The following NBR1 variants were observed in gnomAD, a reference collection of about 807,000 sequenced individuals.
NBR1 encodes next to BRCA1 gene 1 protein.
In NBR1, 59 loss-of-function variants were observed where a neutral mutation model predicts 115.5. That is an observed-to-expected ratio of 0.51 (90% confidence interval 0.41 to 0.63). The LOEUF is 0.63. NBR1 is among the 30% of genes least tolerant of loss of function. The pLI is 0.00. For synonymous variants in NBR1, 373 were observed against 414.7 expected, an observed-to-expected ratio of 0.90 and a Z score of 1.22; for missense variants, 1,043 against 1,150.5, an observed-to-expected ratio of 0.91 and a Z score of 1.35.
intron 18 of NBR1, 36 bp from the exon 19 acceptor site, chr17:43,202,619 G>A: frequency 6.6e-7 from 1 of 1,511,524 alleles, no homozygotes; most frequent in Non-Finnish European, 9.0e-7. Flanking sequence ...GGTGCTTATG[G>A]ATGCTGCATC....
At position 43,191,921 on chromosome 17, in the gene NBR1, C is replaced by T. The variant is rs139919978; in HGVS notation, c.1073+340C>T. Among the ~76,000 whole-genome samples, 109 of 151,334 alleles carry T rather than the reference C, an allele frequency of 7.2e-4. No individual in the cohort carries two copies. The Middle Eastern group carries it at 0.014, about 19-fold the overall frequency. ...ATTTTTAGTAGAGATGGGGTTTCACCGTGTTAGCCAGGATGGTCTCGATCT... is the reference window on the plus strand; with the variant it reads ...ATTTTTAGTAGAGATGGGGTTTCACTGTGTTAGCCAGGATGGTCTCGATCT... On this transcript the variant is annotated intron_variant, in intron 10 of 20. Coordinates refer to ENST00000590996, the MANE Select transcript of NBR1 (RefSeq NM_005899.5).
chr17:43,201,815 T>G lies in NBR1; in HGVS notation c.2563+35T>G, dbSNP rs752391565. 5 of 1,208,326 alleles carry G rather than the reference T, an allele frequency of 4.1e-6. No homozygotes were observed. In the African/African-American group the frequency reaches 4.5e-5, roughly 11 times the overall value. The allele number at this position is 1,208,326 out of a possible 1,614,324, so 74.9% of individuals were successfully genotyped here. The stretch of plus-strand genomic sequence containing the variant: ...AGCCTAAGCTTTTTCTCTTTTTCTC[T>G]GCTCCTGTCTAATGGAAACCAGGTA... On this transcript the variant is annotated intron_variant, in intron 18 of 20. Coordinates refer to ENST00000590996, the MANE Select transcript of NBR1 (RefSeq NM_005899.5).
chr17:43,177,572 A>AACACAC (rs60320098), intron 2 of NBR1, among the ~76,000 whole-genome samples: 4,698 of 131,222 alleles, frequency 0.036, 127 homozygotes, highest in African/African-American at 0.05. Context: ...CCCCACCCAA[A>AACACAC]ACACACACAC....
intron 7 of NBR1, 151 bp from the exon 8 acceptor site, chr17:43,189,437 T>C: frequency 1.6e-6 from 1 of 626,314 alleles, no homozygotes; most frequent in Non-Finnish European, 2.8e-6. Flanking sequence ...GGAATAGACC[T>C]TTTGCTATGT....
At chr17:43,173,534 C>T (rs902229895) in intron 1 of NBR1, among the ~76,000 whole-genome samples, 2 of 152,194 alleles carry the variant, frequency 1.3e-5, no homozygotes, top group Non-Finnish European at 2.9e-5. Flanking sequence ...ATCTGCCTGC[C>T]TCTGCTTCCC....
chr17:43,188,992 T>C (rs762833328), intron 6 of NBR1, 50 bp from the exon 7 acceptor site: 2 of 1,265,616 alleles, frequency 1.6e-6, no homozygotes, highest in East Asian at 4.6e-5. Flanking sequence ...GGAAAAGTAT[T>C]TTAAATAGAA....
intron 10 of NBR1, among the ~76,000 whole-genome samples, chr17:43,192,210 A>G (rs1324733444): frequency 6.7e-6 from 1 of 150,092 alleles, no homozygotes; most frequent in African/African-American, 2.5e-5. Context: ...TTCAGTAGAG[A>G]TGGGGTTTCA....
chr17:43,194,553 A>G, intron 13 of NBR1, 54 bp downstream of exon 13: 3 of 1,594,020 alleles, frequency 1.9e-6, no homozygotes, highest in Non-Finnish European at 2.6e-6. Context: ...AGCACAGGAG[A>G]GAAGGTGGTA....
chr17:43,194,281 G>A (rs2057016488), intron 12 of NBR1, 69 bp from the exon 13 acceptor site: 2 of 1,372,294 alleles, frequency 1.5e-6, no homozygotes, highest in Admixed American at 2.4e-5. Flanking sequence ...TATTTTTGGG[G>A]GCATTGTCAG....
Position 43,201,723 on chromosome 17 carries a change from G to T in NBR1, c.2506G>T (p.Val836Leu). The T allele has an allele frequency of 1.2e-6, 2 of 1,609,234 alleles. No individual in the cohort carries two copies. Among genetic ancestry groups the T allele is most frequent in the Non-Finnish European group, 1.7e-6 (2 of 1,175,560 alleles). Residue 836 changes from valine (V) to leucine (L), a missense_variant, in exon 18 of 21, where the codon GTG becomes TTG. Coordinates refer to ENST00000590996, the MANE Select transcript of NBR1 (RefSeq NM_005899.5). ...PCVHHHGSPGVDLPVTIPEVS... is the reference protein window; with the variant it reads ...PCVHHHGSPGLDLPVTIPEVS... ...TGTACATCATCATGGTTCCCCAGGA[G>T]TGGATTTACCAGTTACCATACCAGA...
chr17:43,174,468 G>C (rs1468836002), intron 1 of NBR1, among the ~76,000 whole-genome samples: 1 of 151,970 alleles, frequency 6.6e-6, no homozygotes, highest in Non-Finnish European at 1.5e-5. Context: ...CGTGGTGGCG[G>C]GCGCCTGTAG....
At position 43,191,322 on chromosome 17, in the gene NBR1, C is replaced by T; in HGVS notation, c.864-50C>T. Reference sequence around the variant, plus strand: ...AATTGCAATTGGCTCCACATAGCTTCAGAATTTATTTGTGACTTTCTTTTA... The same window carrying T: ...AATTGCAATTGGCTCCACATAGCTTTAGAATTTATTTGTGACTTTCTTTTA... On this transcript the variant is annotated intron_variant, in intron 9 of 20. Transcript: ENST00000590996. 3 of 1,398,098 alleles carry T rather than the reference C, an allele frequency of 2.1e-6. No homozygotes were observed. In the South Asian group the frequency reaches 3.7e-5, roughly 17 times the overall value. 86.6% of individuals were successfully genotyped at this position (1,398,098 alleles called of 1,614,324 possible). A position where few individuals can be genotyped will look rare whatever the true frequency, so the allele number is the denominator to read the frequency against.
chr17:43,187,407 C>T (rs2056836551), intron 6 of NBR1, among the ~76,000 whole-genome samples: 1 of 152,022 alleles, frequency 6.6e-6, no homozygotes, highest in Non-Finnish European at 1.5e-5. Context: ...GTCTCGATCT[C>T]CTGACCTCAT....
intron 1 of NBR1, among the ~76,000 whole-genome samples, chr17:43,172,599 T>C (rs2056403832): frequency 6.6e-6 from 1 of 152,160 alleles, no homozygotes; most frequent in Non-Finnish European, 1.5e-5. Flanking sequence ...ACATTTCATA[T>C]GAATGAATAC....
At position 43,186,359 on chromosome 17, in the gene NBR1, C is replaced by T; in HGVS notation, c.317C>T (p.Ala106Val). The T allele has an allele frequency of 6.2e-7, 1 of 1,601,192 alleles. No homozygotes were observed. Among genetic ancestry groups the T allele is most frequent in the Non-Finnish European group, 8.5e-7 (1 of 1,174,022 alleles). The change falls in exon 6 of 21, where the codon GCA (alanine) becomes GTA (valine). Residue 106 changes from alanine to valine, a missense_variant. Coordinates refer to ENST00000590996, the MANE Select transcript of NBR1 (RefSeq NM_005899.5). ...VVGAKRLAARAGKKPLAHYSS... is the reference protein window; with the variant it reads ...VVGAKRLAARVGKKPLAHYSS... ...GGAGCAAAACGACTAGCTGCCAGGGCAGGGAAGAAGCCACTTGCACATTAC... is the reference window on the plus strand; with the variant it reads ...GGAGCAAAACGACTAGCTGCCAGGGTAGGGAAGAAGCCACTTGCACATTAC...
At chr17:43,201,042 T>C (rs904798211) in intron 17 of NBR1, among the ~76,000 whole-genome samples, 1 of 152,122 alleles carries the variant, frequency 6.6e-6, no homozygotes, top group Non-Finnish European at 1.5e-5. Flanking sequence ...CTAATTTTTG[T>C]ATTTATTGTA....
rs2056383703 is a variant in NBR1, at chr17:43,171,946, G to A, written c.-10+644G>A. Among the ~76,000 whole-genome samples, 3 of 152,142 alleles carry A rather than the reference G, an allele frequency of 2.0e-5. No homozygotes were observed. The South Asian group carries it at 6.2e-4, about 32-fold the overall frequency. ...GTATAAGCCACCGCTCCCGGCCTCA[G>A]GTCACACATTTTAAAGCCTGGATAA... On this transcript the variant is annotated intron_variant, in intron 1 of 20. Coordinates refer to ENST00000590996, the MANE Select transcript of NBR1 (RefSeq NM_005899.5).
chr17:43,178,221 A>C (rs957303759), intron 3 of NBR1, among the ~76,000 whole-genome samples: 3 of 151,902 alleles, frequency 2.0e-5, no homozygotes, highest in Non-Finnish European at 4.4e-5. Context: ...TTCACTTAAA[A>C]AAAAAAAAAG....
chr17:43,186,157 C>T (rs1333262681), intron 5 of NBR1, 93 bp from the exon 6 acceptor site: 4 of 1,106,102 alleles, frequency 3.6e-6, no homozygotes, highest in Non-Finnish European at 5.1e-6. Context: ...TCTAGCATAA[C>T]TTACCACACT....
Sources: allele counts gnomAD v4.1 joint callset (sites outside exome capture counted in the v4.1 genomes callset), GRCh38; gene constraint gnomAD v4.1.1; transcripts MANE v1.5; gene names NCBI Gene and HGNC (gene_info 2026-07-23, HGNC 2026-07-21).